SLC35F1: variants seen among roughly 807,000 people sequenced by gnomAD.
SLC35F1 encodes the protein chromosome 6 open reading frame 169.
Under a neutral mutation model 48.7 loss-of-function variants are expected in SLC35F1, and 14 were observed. That is an observed-to-expected ratio of 0.29 (90% CI 0.19 to 0.45). The LOEUF is 0.45. Ranked by LOEUF, SLC35F1 falls within the 20% of genes least tolerant of loss-of-function variation. The pLI, the probability that SLC35F1 is intolerant of heterozygous loss-of-function variation, is 1.00. For missense variants in SLC35F1, 404 were observed against 500.0 expected, an observed-to-expected ratio of 0.81 and a Z score of 1.83; for synonymous variants, 190 against 202.2, an observed-to-expected ratio of 0.94 and a Z score of 0.51.
intron 3 of SLC35F1, among the ~76,000 whole-genome samples, chr6:118,238,044 T>C (rs985655305): frequency 2.0e-5 from 3 of 152,180 alleles, no homozygotes; most frequent in Non-Finnish European, 4.4e-5. Flanking sequence ...TCCTTTCTCA[T>C]CTTAGAAATG....
intron 1 of SLC35F1, among the ~76,000 whole-genome samples, chr6:117,944,653 C>T (rs1026833631): frequency 6.6e-6 from 1 of 150,546 alleles, no homozygotes; most frequent in Non-Finnish European, 1.5e-5. Context: ...ACACATGATA[C>T]GTATTAGTTG....
intron 3 of SLC35F1, among the ~76,000 whole-genome samples, chr6:118,237,969 T>C (rs542478875): frequency 4.1e-4 from 63 of 152,334 alleles, no homozygotes; most frequent in African/African-American, 1.4e-3. Context: ...CAACATTCAT[T>C]ATTCAGTGCA....
At chr6:118,306,052 T>G (rs1776307914) in intron 7 of SLC35F1, among the ~76,000 whole-genome samples, 1 of 152,204 alleles carries the variant, frequency 6.6e-6, no homozygotes. Context: ...AGACAGGCTC[T>G]TCCTTACTTC....
chr6:118,314,690 CTTTAT>C lies in SLC35F1; in HGVS notation c.*442_*446del. 5.1e-6 allele frequency: 1 copy of C among 197,078 alleles called. No individual in the cohort carries two copies. The highest frequency in any genetic ancestry group is 1.1e-4 in the South Asian group (1 of 9,520). 12.2% of individuals were successfully genotyped at this position (197,078 alleles called of 1,614,324 possible). On this transcript the variant is annotated 3_prime_UTR_variant, in exon 8 of 8. Coordinates refer to ENST00000360388, the MANE Select transcript of SLC35F1 (RefSeq NM_001029858.4). ...GGCAATTCACTTTTTAAGAGTCATA[CTTTAT>C]TTTTTTGCACAGACTATATGAGTGA... is the stretch of plus-strand genomic sequence containing the variant.
In SLC35F1 at chr6:118,039,328, T is replaced by C. The variant is rs139996422; in HGVS notation, c.174-115117T>C. 7.6e-3 allele frequency among the ~76,000 whole-genome samples: 1,157 copies of C among 152,234 alleles called. 13 individuals are homozygous for C. Among genetic ancestry groups the C allele is most frequent in the Middle Eastern group, 0.024 (7 of 294 alleles). On this transcript the variant is annotated intron_variant, in intron 1 of 7. Coordinates refer to ENST00000360388, the MANE Select transcript of SLC35F1 (RefSeq NM_001029858.4). The stretch of plus-strand genomic sequence containing the variant: ...CAGCAGCTTATGATGTATTTAAGAA[T>C]GGTTACCTTTTAATTAGTCTGTTTG...
At chr6:117,997,176 G>T (rs1443790190) in intron 1 of SLC35F1, among the ~76,000 whole-genome samples, 3 of 152,140 alleles carry the variant, frequency 2.0e-5, no homozygotes, top group Non-Finnish European at 4.4e-5. Flanking sequence ...GGGTATCAGT[G>T]ATGGAAGATG....
intron 2 of SLC35F1, among the ~76,000 whole-genome samples, chr6:118,175,303 G>T (rs1348151016): frequency 6.6e-6 from 1 of 152,022 alleles, no homozygotes; most frequent in Non-Finnish European, 1.5e-5. Flanking sequence ...CATTTCTCAG[G>T]CTGGGATGTG....
At chr6:117,966,807 C>A (rs1378334249) in intron 1 of SLC35F1, among the ~76,000 whole-genome samples, 2 of 152,196 alleles carry the variant, frequency 1.3e-5, no homozygotes. Flanking sequence ...CTAAAGACCT[C>A]ATTTCCACTC....
At chr6:118,200,145 G>GACAT (rs1236195193) in intron 2 of SLC35F1, among the ~76,000 whole-genome samples, 2 of 146,778 alleles carry the variant, frequency 1.4e-5, no homozygotes, top group African/African-American at 2.5e-5. Context: ...CAGTACCGCT[G>GACAT]ACATACATAC....
rs533812941 is a variant in SLC35F1 at position 118,008,297 on chromosome 6, G to A, written c.173+100398G>A. Among the ~76,000 whole-genome samples the A allele has an allele frequency of 4.5e-4, 68 of 151,014 alleles. 1 individual carries two copies. The South Asian group carries it at 0.011, about 24-fold the overall frequency. On this transcript the variant is annotated intron_variant, in intron 1 of 7. Coordinates refer to ENST00000360388, the MANE Select transcript of SLC35F1 (RefSeq NM_001029858.4). Reference sequence around the variant, plus strand: ...GCAAAAAAGAAAAAAAAAAAGCAGCGACTATCACATTGTATTTATAGGCTC... The same window carrying A: ...GCAAAAAAGAAAAAAAAAAAGCAGCAACTATCACATTGTATTTATAGGCTC...
intron 1 of SLC35F1, among the ~76,000 whole-genome samples, chr6:118,026,410 G>T (rs965947970): frequency 6.6e-6 from 1 of 152,168 alleles, no homozygotes; most frequent in Admixed American, 6.5e-5. Flanking sequence ...TAAGTGACTG[G>T]CTGTACTTTT....
At chr6:117,920,204 G>C (rs1341785624) in intron 1 of SLC35F1, among the ~76,000 whole-genome samples, 1 of 152,218 alleles carries the variant, frequency 6.6e-6, no homozygotes, top group African/African-American at 2.4e-5. Context: ...TCGGAACGCG[G>C]GTGGACGGGG....
At chr6:118,269,647 G>A (rs1562345928) in intron 4 of SLC35F1, among the ~76,000 whole-genome samples, 1 of 151,738 alleles carries the variant, frequency 6.6e-6, no homozygotes. Flanking sequence ...TCATGTCTAT[G>A]GCAGAGTTGG....
chr6:118,000,150 AG>A (rs1417864062), intron 1 of SLC35F1, among the ~76,000 whole-genome samples: 1 of 152,242 alleles, frequency 6.6e-6, no homozygotes. Flanking sequence ...CAACCAAAAA[AG>A]AGAATTTTAG....
chr6:118,207,229 G>C (rs543611941), intron 2 of SLC35F1, among the ~76,000 whole-genome samples: 1 of 152,152 alleles, frequency 6.6e-6, no homozygotes, highest in African/African-American at 2.4e-5. Context: ...AGGAATGATT[G>C]GATTAATCAA....
intron 1 of SLC35F1, among the ~76,000 whole-genome samples, chr6:118,000,004 G>A (rs563779511): frequency 2.3e-4 from 35 of 151,366 alleles, no homozygotes; most frequent in South Asian, 4.2e-4. Context: ...ATTCACAGCC[G>A]AATTCTACCA....
intron 2 of SLC35F1, among the ~76,000 whole-genome samples, chr6:118,192,712 A>C (rs1256427280): frequency 6.6e-6 from 1 of 152,190 alleles, no homozygotes; most frequent in Non-Finnish European, 1.5e-5. Flanking sequence ...ATACACTAAA[A>C]TATAACCTGA....
intron 1 of SLC35F1, among the ~76,000 whole-genome samples, chr6:117,961,015 T>G (rs948157914): frequency 5.3e-5 from 8 of 152,048 alleles, no homozygotes; most frequent in African/African-American, 1.9e-4. Context: ...TATTACAATA[T>G]CTCCTTCAGG....
chr6:118,277,447 G>A, intron 5 of SLC35F1, 47 bp from the exon 6 acceptor site: 1 of 1,496,564 alleles, frequency 6.7e-7, no homozygotes, highest in Non-Finnish European at 9.3e-7. Context: ...AGAAAGTAGA[G>A]TGCATTCTAA....
Sources: gnomAD v4.1 joint callset for allele counts (sites outside exome capture counted in the v4.1 genomes callset) on GRCh38, gnomAD v4.1.1 for gene constraint, MANE v1.5 for transcripts, NCBI Gene and HGNC (gene_info 2026-07-23, HGNC 2026-07-21) for gene names.